The following KCNH1 variants were observed in gnomAD, a reference collection of about 807,000 sequenced individuals.
KCNH1 encodes the protein voltage-gated delayed rectifier potassium channel KCNH1.
A neutral mutation model predicts 69.2 loss-of-function variants in KCNH1; 27 were observed. That is an observed-to-expected ratio of 0.39 (90% CI 0.29 to 0.54). KCNH1 has a LOEUF of 0.54. KCNH1 is among the 20% of genes least tolerant of loss of function. The probability of loss-of-function intolerance (pLI) is 0.68; values close to 1 mark genes in which losing one functional copy is unlikely to be tolerated. For synonymous variants in KCNH1, 456 were observed against 487.7 expected, an observed-to-expected ratio of 0.93 and a Z score of 0.86; for missense variants, 798 against 1,261.6, an observed-to-expected ratio of 0.63 and a Z score of 5.57.
chr1:211,015,186 C>A (rs79733127), intron 6 of KCNH1, among the ~76,000 whole-genome samples: 1 of 152,166 alleles, frequency 6.6e-6, no homozygotes, highest in South Asian at 2.1e-4. Flanking sequence ...CACCAGACCC[C>A]GTGTCCAACT....
At chr1:210,689,193 C>T (rs141112182) in intron 10 of KCNH1, among the ~76,000 whole-genome samples, 5 of 152,328 alleles carry the variant, frequency 3.3e-5, no homozygotes, top group African/African-American at 1.2e-4. Flanking sequence ...GATCCTTAAG[C>T]TACAGGGATT....
At chr1:211,131,758 A>G (rs1453408861) in intron 1 of KCNH1, among the ~76,000 whole-genome samples, 1 of 152,192 alleles carries the variant, frequency 6.6e-6, no homozygotes, top group Non-Finnish European at 1.5e-5. Context: ...TGAGTCCCAT[A>G]TTTCAAGATG....
intron 10 of KCNH1, among the ~76,000 whole-genome samples, chr1:210,706,275 C>T (rs939279385): frequency 3.3e-5 from 5 of 152,178 alleles, no homozygotes; most frequent in African/African-American, 4.8e-5. Flanking sequence ...AGGGGTGGAC[C>T]GTGCCTGGGT....
intron 5 of KCNH1, among the ~76,000 whole-genome samples, chr1:211,030,841 G>A (rs752876576): frequency 3.6e-4 from 54 of 151,752 alleles, no homozygotes; most frequent in Non-Finnish European, 5.1e-4. Context: ...CAAAGCAAAC[G>A]TCAAATAAAG....
At chr1:210,904,528 A>G (rs1166159699) in intron 7 of KCNH1, among the ~76,000 whole-genome samples, 2 of 152,228 alleles carry the variant, frequency 1.3e-5, no homozygotes, top group Non-Finnish European at 2.9e-5. Context: ...CTGTCATTTC[A>G]TAATGAAAGG....
At chr1:211,073,423 A>T (rs1184960514) in intron 5 of KCNH1, among the ~76,000 whole-genome samples, 1 of 152,204 alleles carries the variant, frequency 6.6e-6, no homozygotes, top group Admixed American at 6.5e-5. Context: ...CAGAAATCAC[A>T]TTCTCTCAAG....
At chr1:210,958,363 T>C (rs1366648770) in intron 6 of KCNH1, among the ~76,000 whole-genome samples, 2 of 152,174 alleles carry the variant, frequency 1.3e-5, no homozygotes, top group African/African-American at 4.8e-5. Flanking sequence ...ATTTCAACGT[T>C]GGTGAATCTG....
At chr1:210,965,078 T>C (rs1400930669) in intron 6 of KCNH1, among the ~76,000 whole-genome samples, 3 of 152,208 alleles carry the variant, frequency 2.0e-5, no homozygotes, top group Admixed American at 6.6e-5. Flanking sequence ...GTCAGTCAAC[T>C]AGGTATTGAT....
chr1:210,964,154 A>G (rs1323781184), intron 6 of KCNH1, among the ~76,000 whole-genome samples: 1 of 152,162 alleles, frequency 6.6e-6, no homozygotes, highest in Non-Finnish European at 1.5e-5. Flanking sequence ...AAAGAAAATA[A>G]TTTTCAACCC....
At chr1:210,924,252 C>A (rs184964580) in intron 6 of KCNH1, among the ~76,000 whole-genome samples, 28 of 152,370 alleles carry the variant, frequency 1.8e-4, no homozygotes, top group African/African-American at 6.3e-4. Context: ...TAACATGCTA[C>A]ATCAGCCCTA....
At chr1:211,128,233 G>A (rs1240877160) in intron 1 of KCNH1, among the ~76,000 whole-genome samples, 1 of 148,324 alleles carries the variant, frequency 6.7e-6, no homozygotes, top group Non-Finnish European at 1.5e-5. Context: ...AGGTTGCAGT[G>A]AGCCGAGATC....
At chr1:210,720,282 T>C (rs972363208) in intron 10 of KCNH1, among the ~76,000 whole-genome samples, 2 of 152,060 alleles carry the variant, frequency 1.3e-5, no homozygotes, top group African/African-American at 4.8e-5. Context: ...GGAACGGGAA[T>C]TGAGGACTTC....
chr1:210,697,950 T>C lies in KCNH1; in HGVS notation c.2113-13812A>G, dbSNP rs535860174. 3.9e-5 allele frequency among the ~76,000 whole-genome samples: 6 copies of C among 152,336 alleles called. No homozygotes were observed. The South Asian group carries it at 1.2e-3, about 32-fold the overall frequency. The stretch of plus-strand genomic sequence containing the variant: ...TTGTGGTGCATATCAAGCAATTGTA[T>C]CATTTCTACATATTTTTTCACATGC... On this transcript the variant is annotated intron_variant, in intron 10 of 10. Coordinates refer to ENST00000271751, the MANE Select transcript of KCNH1 (RefSeq NM_172362.3).
At chr1:210,728,637 A>C (rs1253975916) in intron 10 of KCNH1, among the ~76,000 whole-genome samples, 1 of 152,236 alleles carries the variant, frequency 6.6e-6, no homozygotes, top group Non-Finnish European at 1.5e-5. Flanking sequence ...CCCAGCACAC[A>C]CACACGTGCT....
chr1:210,832,921 T>TATATATATACAC (rs10693882), intron 7 of KCNH1, among the ~76,000 whole-genome samples: 3 of 144,228 alleles, frequency 2.1e-5, no homozygotes, highest in Middle Eastern at 3.3e-3. Flanking sequence ...TATATATATA[T>TATATATATACAC]ACATATAAAT....
chr1:210,870,657 C>T (rs1224579457), intron 7 of KCNH1, among the ~76,000 whole-genome samples: 1 of 152,122 alleles, frequency 6.6e-6, no homozygotes, highest in Non-Finnish European at 1.5e-5. Flanking sequence ...AATCTTAGTT[C>T]CTCTTAGCTT....
chr1:210,895,351 G>C (rs568978918), intron 7 of KCNH1, among the ~76,000 whole-genome samples: 1 of 152,106 alleles, frequency 6.6e-6, no homozygotes, highest in Non-Finnish European at 1.5e-5. Context: ...AATGTAGATG[G>C]AATAATAATT....
chr1:211,098,971 G>C (rs1487902014), intron 3 of KCNH1, among the ~76,000 whole-genome samples: 1 of 152,124 alleles, frequency 6.6e-6, no homozygotes, highest in Non-Finnish European at 1.5e-5. Flanking sequence ...CACATTCCTT[G>C]ACACAGCAAT....
intron 7 of KCNH1, among the ~76,000 whole-genome samples, chr1:210,908,522 G>A (rs140782770): frequency 1.3e-5 from 2 of 152,204 alleles, no homozygotes; most frequent in Admixed American, 6.5e-5. Context: ...TGCAAGACGG[G>A]GCTGGATGGG....
Sources: allele counts gnomAD v4.1 joint callset (sites outside exome capture counted in the v4.1 genomes callset), GRCh38; gene constraint gnomAD v4.1.1; transcripts MANE v1.5; gene names NCBI Gene and HGNC (gene_info 2026-07-23, HGNC 2026-07-21).